The following PRKCB variants were observed in gnomAD, a reference collection of about 807,000 sequenced individuals.
PRKCB encodes the protein protein kinase C beta, also known as protein kinase C beta type.
In PRKCB, 13 loss-of-function variants were observed where a neutral mutation model predicts 81.5. The observed-to-expected ratio is 0.16, with a 90% CI of 0.10 to 0.25. PRKCB has a LOEUF of 0.25. PRKCB is among the 10% of genes least tolerant of loss of function. The pLI is 1.00. For synonymous variants in PRKCB, 335 were observed against 321.4 expected (o/e 1.04, Z -0.45); for missense variants, 509 against 875.7 (o/e 0.58, Z 5.29).
chr16:23,932,401 G>T (rs1282778994), intron 2 of PRKCB, among the ~76,000 whole-genome samples: 1 of 152,218 alleles, frequency 6.6e-6, no homozygotes, highest in African/African-American at 2.4e-5. Flanking sequence ...AGCGATGCTA[G>T]GTGGGGAGGA....
At chr16:24,144,935 G>T (rs943449793) in intron 9 of PRKCB, among the ~76,000 whole-genome samples, 2 of 152,314 alleles carry the variant, frequency 1.3e-5, no homozygotes, top group Admixed American at 1.3e-4. Context: ...CCACTCTTGT[G>T]AGGGATAAAA....
At chr16:23,949,362 T>G (rs1964246467) in intron 2 of PRKCB, among the ~76,000 whole-genome samples, 1 of 152,182 alleles carries the variant, frequency 6.6e-6, no homozygotes, top group African/African-American at 2.4e-5. Flanking sequence ...AGTCACCTAG[T>G]GATAAGCAGT....
intron 3 of PRKCB, among the ~76,000 whole-genome samples, chr16:24,017,349 T>A (rs1965292719): frequency 6.6e-6 from 1 of 152,138 alleles, no homozygotes; most frequent in Non-Finnish European, 1.5e-5. Flanking sequence ...CATGCTAAAA[T>A]GAATGCCAAG....
intron 5 of PRKCB, among the ~76,000 whole-genome samples, chr16:24,046,468 G>A (rs1392580003): frequency 6.6e-6 from 1 of 152,234 alleles, no homozygotes; most frequent in Non-Finnish European, 1.5e-5. Context: ...AAATAAAGCG[G>A]CATGATGTGA....
intron 2 of PRKCB, chr16:23,893,905 A>G (rs1420260853): frequency 2.6e-5 from 4 of 152,254 alleles, no homozygotes; most frequent in Non-Finnish European, 4.4e-5. Context: ...ACTCCTAAGG[A>G]TAAGTTCATG....
chr16:24,055,163 T>A (rs767268070), intron 5 of PRKCB, among the ~76,000 whole-genome samples: 1 of 152,256 alleles, frequency 6.6e-6, no homozygotes, highest in Admixed American at 6.5e-5. Flanking sequence ...TCCTCTGAGT[T>A]GCCTAATGAA....
chr16:23,925,867 A>G (rs751692035), intron 2 of PRKCB, among the ~76,000 whole-genome samples: 1 of 151,814 alleles, frequency 6.6e-6, no homozygotes, highest in Non-Finnish European at 1.5e-5. Context: ...CTCTGTGTCT[A>G]TGTGTATTAT....
chr16:24,128,442 T>TG (rs1966848369), intron 9 of PRKCB, among the ~76,000 whole-genome samples: 1 of 152,240 alleles, frequency 6.6e-6, no homozygotes, highest in South Asian at 2.1e-4. Context: ...ACAAGCCTTT[T>TG]GGTAAGCCCT....
chr16:24,033,839 A>G (rs1312657359), intron 4 of PRKCB, among the ~76,000 whole-genome samples: 1 of 152,150 alleles, frequency 6.6e-6, no homozygotes, highest in Non-Finnish European at 1.5e-5. Context: ...GCAGAGGTAT[A>G]GAGATGGAAA....
intron 2 of PRKCB, among the ~76,000 whole-genome samples, chr16:23,905,470 G>C (rs1963544642): frequency 6.6e-6 from 1 of 152,134 alleles, no homozygotes; most frequent in African/African-American, 2.4e-5. Context: ...TCTGCATTTT[G>C]GGTAAACAAG....
chr16:24,096,705 A>ATATATATATC (rs1966450236), intron 7 of PRKCB, among the ~76,000 whole-genome samples: 1 of 138,400 alleles, frequency 7.2e-6, no homozygotes, highest in Non-Finnish European at 1.5e-5. Context: ...ATATATATAT[A>ATATATATATC]TCCTCCAATG....
intron 2 of PRKCB, among the ~76,000 whole-genome samples, chr16:23,878,649 C>T (rs8062724): frequency 0.79 from 119,573 of 152,222 alleles, 47,081 homozygotes; most frequent in East Asian, 0.98. Context: ...TTTGCCACTC[C>T]GTACATGTCC....
chr16:24,187,923 G>T (rs1467898686), intron 15 of PRKCB, among the ~76,000 whole-genome samples: 2 of 152,228 alleles, frequency 1.3e-5, no homozygotes, highest in African/African-American at 4.8e-5. Context: ...AGTACTCATT[G>T]AAAAGAGTTT....
At chr16:23,841,356 AG>A (rs1196892157) in intron 2 of PRKCB, among the ~76,000 whole-genome samples, 3 of 152,174 alleles carry the variant, frequency 2.0e-5, no homozygotes, top group Non-Finnish European at 4.4e-5. Flanking sequence ...TTCAGATTAC[AG>A]GCATGAGCTA....
chr16:23,868,034 C>T (rs1323189102), intron 2 of PRKCB, among the ~76,000 whole-genome samples: 2 of 151,700 alleles, frequency 1.3e-5, no homozygotes, highest in Admixed American at 1.3e-4. Flanking sequence ...TAGATCTTCC[C>T]CTACGGATTT....
At position 23,903,906 on chromosome 16, in the gene PRKCB, G is replaced by T. The variant is rs543080300; in HGVS notation, c.205+66500G>T. ...TGTTTCATCCACTGCTCCATCCTCT[G>T]GTGTCTGCAACGACGCTGGCACACC... On this transcript the variant is annotated intron_variant, in intron 2 of 16. Transcript: ENST00000643927. 3.9e-5 allele frequency among the ~76,000 whole-genome samples: 6 copies of T among 152,230 alleles called. No homozygotes were observed. The East Asian group carries it at 1.2e-3, about 29-fold the overall frequency.
intron 2 of PRKCB, among the ~76,000 whole-genome samples, chr16:23,874,601 G>T (rs1962965948): frequency 6.7e-6 from 1 of 148,834 alleles, no homozygotes; most frequent in Non-Finnish European, 1.5e-5. Flanking sequence ...CCCAAGAGAG[G>T]CAGGAAATGA....
intron 13 of PRKCB, among the ~76,000 whole-genome samples, chr16:24,182,873 T>TGTGTGTGTGTGTG (rs1555501178): frequency 5.2e-5 from 7 of 133,608 alleles, no homozygotes; most frequent in Middle Eastern, 3.8e-3. Context: ...ACATTGTTTC[T>TGTGTGTGTGTGTG]TGTGTGTGTG....
chr16:23,857,681 C>G (rs763701933), intron 2 of PRKCB, among the ~76,000 whole-genome samples: 40 of 151,864 alleles, frequency 2.6e-4, no homozygotes, highest in Admixed American at 1.7e-3. Context: ...CCGGGCTAGG[C>G]TTGTCCCTGC....
Sources: allele counts gnomAD v4.1 joint callset (sites outside exome capture counted in the v4.1 genomes callset), GRCh38; gene constraint gnomAD v4.1.1; transcripts MANE v1.5; gene names NCBI Gene and HGNC (gene_info 2026-07-23, HGNC 2026-07-21).